Variants in RANBP2 observed in about 807,000 individuals in gnomAD.
RANBP2 encodes RAN binding protein 2.
A neutral mutation model predicts 303.6 loss-of-function variants in RANBP2; 57 were observed. That is an observed-to-expected ratio of 0.19 (90% confidence interval 0.15 to 0.23). The LOEUF is 0.23. RANBP2 is among the 10% of genes least tolerant of loss of function. The pLI is 1.00. For missense variants in RANBP2, 3,138 were observed against 3,780.8 expected, an observed-to-expected ratio of 0.83 and a Z score of 4.46; for synonymous variants, 1,167 against 1,301.5, an observed-to-expected ratio of 0.90 and a Z score of 2.23.
chr2:109,596,563 G>C, the RANBP2 span, among the ~76,000 whole-genome samples: 23 of 151,876 alleles, frequency 1.5e-4, no homozygotes, highest in Non-Finnish European at 2.8e-4. Context: ...CTTGCAGTGA[G>C]CAGAGATCGC....
chr2:108,796,118 G>A, the RANBP2 span, among the ~76,000 whole-genome samples: 23 of 152,102 alleles, frequency 1.5e-4, no homozygotes, highest in East Asian at 3.9e-3. Flanking sequence ...GCGCAATCTC[G>A]GCTCACTGCA....
chr2:109,750,673 C>G, the RANBP2 span, among the ~76,000 whole-genome samples: 361 of 74,216 alleles, frequency 4.9e-3, 33 homozygotes, highest in African/African-American at 0.015. Context: ...CTACTTAGTG[C>G]TGAACAGGTA....
the RANBP2 span, among the ~76,000 whole-genome samples, chr2:109,338,088 T>C: frequency 3.9e-5 from 6 of 152,132 alleles, no homozygotes; most frequent in African/African-American, 1.4e-4. Context: ...TGGAGAACTT[T>C]AGTAAACACG....
At chr2:109,254,605 G>A in the RANBP2 span, among the ~76,000 whole-genome samples, 1,835 of 152,254 alleles carry the variant, frequency 0.012, 19 homozygotes, top group Middle Eastern at 0.031. Flanking sequence ...CTATTCCCAT[G>A]ACCCCGTGAG....
chr2:108,806,373 G>C, the RANBP2 span, among the ~76,000 whole-genome samples: 1 of 152,146 alleles, frequency 6.6e-6, no homozygotes, highest in Non-Finnish European at 1.5e-5. Flanking sequence ...ATGAGTGTGT[G>C]GTAATTGGGG....
chr2:109,416,401 C>T, the RANBP2 span, among the ~76,000 whole-genome samples: 1 of 152,044 alleles, frequency 6.6e-6, no homozygotes, highest in African/African-American at 2.4e-5. Context: ...TCAAGACTAG[C>T]CTGGCCAACA....
the RANBP2 span, among the ~76,000 whole-genome samples, chr2:109,124,989 T>A: frequency 1.2e-4 from 19 of 152,204 alleles, no homozygotes; most frequent in Admixed American, 2.0e-4. Context: ...GGACTCTGGT[T>A]GATTTAACGA....
chr2:109,622,063 AGAC>A, the RANBP2 span, among the ~76,000 whole-genome samples: 1 of 152,194 alleles, frequency 6.6e-6, no homozygotes, highest in South Asian at 2.1e-4. Context: ...GTTAAGACTA[AGAC>A]GGCTAAGACT....
the RANBP2 span, among the ~76,000 whole-genome samples, chr2:109,344,731 G>A: frequency 6.6e-6 from 1 of 152,142 alleles, no homozygotes; most frequent in Non-Finnish European, 1.5e-5. Flanking sequence ...CAGGAGGAGT[G>A]CCCAGGCCAA....
the RANBP2 span, chr2:109,574,638 C>G: frequency 6.2e-7 from 1 of 1,603,720 alleles, no homozygotes; most frequent in Non-Finnish European, 8.5e-7. Context: ...AGTGGCCTGT[C>G]GGTGAAATGA....
At chr2:108,755,745 A>G (rs1424388165) in intron 17 of RANBP2, among the ~76,000 whole-genome samples, 2 of 151,638 alleles carry the variant, frequency 1.3e-5, no homozygotes, top group Admixed American at 6.6e-5. Flanking sequence ...TTGTTTTGAG[A>G]TGGAGTCTCA....
the RANBP2 span, among the ~76,000 whole-genome samples, chr2:109,071,429 T>C: frequency 6.6e-6 from 1 of 152,126 alleles, no homozygotes; most frequent in Non-Finnish European, 1.5e-5. Flanking sequence ...ATCCCAACAC[T>C]TTGGGAGGCC....
At chr2:109,475,626 GT>G in the RANBP2 span, among the ~76,000 whole-genome samples, 3 of 152,328 alleles carry the variant, frequency 2.0e-5, no homozygotes, top group African/African-American at 7.2e-5. Context: ...ATAATCCTCT[GT>G]TTTGAGGACT....
At chr2:109,195,536 A>G in the RANBP2 span, among the ~76,000 whole-genome samples, 2 of 152,338 alleles carry the variant, frequency 1.3e-5, no homozygotes, top group Non-Finnish European at 2.9e-5. Flanking sequence ...GGCCTGCTTA[A>G]TTAAGTTTCC....
the RANBP2 span, among the ~76,000 whole-genome samples, chr2:109,511,698 C>A: frequency 6.6e-6 from 1 of 152,244 alleles, no homozygotes; most frequent in Non-Finnish European, 1.5e-5. Context: ...CAACGTGAGA[C>A]CAGGGCCAGG....
At chr2:108,926,535 C>G in the RANBP2 span, among the ~76,000 whole-genome samples, 10 of 152,348 alleles carry the variant, frequency 6.6e-5, no homozygotes, top group South Asian at 1.9e-3. Context: ...AGTGCAGAGT[C>G]GCTGTGTCCT....
the RANBP2 span, among the ~76,000 whole-genome samples, chr2:109,025,367 T>A: frequency 6.6e-6 from 1 of 152,122 alleles, no homozygotes; most frequent in Non-Finnish European, 1.5e-5. Flanking sequence ...TATTAAGGAG[T>A]GGAGTTTCTA....
At chr2:108,863,258 T>G in the RANBP2 span, among the ~76,000 whole-genome samples, 1 of 152,206 alleles carries the variant, frequency 6.6e-6, no homozygotes, top group Non-Finnish European at 1.5e-5. Context: ...GATGCAATAT[T>G]TCTAACAAAG....
At chr2:109,336,434 C>T in the RANBP2 span, among the ~76,000 whole-genome samples, 1 of 152,190 alleles carries the variant, frequency 6.6e-6, no homozygotes, top group Non-Finnish European at 1.5e-5. Context: ...GGGAAGCTGC[C>T]ACCAATAAGT....
Sources: gnomAD v4.1 joint callset for allele counts (sites outside exome capture counted in the v4.1 genomes callset) on GRCh38, gnomAD v4.1.1 for gene constraint, MANE v1.5 for transcripts, NCBI Gene and HGNC (gene_info 2026-07-23, HGNC 2026-07-21) for gene names.